Variants in TF observed in about 807,000 individuals in gnomAD.
The protein encoded by TF is transferrin, also known as serotransferrin.
Under a neutral mutation model 82.4 loss-of-function variants are expected in TF, and 55 were observed. That is an observed-to-expected ratio of 0.67 (90% CI 0.54 to 0.84). TF has a LOEUF of 0.84. Among genes scored for constraint, TF ranks in the 40% least tolerant of loss-of-function variants. TF has a pLI of 0.00. For synonymous variants in TF, 332 were observed against 332.6 expected (o/e 1.00, Z 0.02); for missense variants, 737 against 868.4 (o/e 0.85, Z 1.90).
the TF span, among the ~76,000 whole-genome samples, chr3:133,684,037 G>A: frequency 6.6e-6 from 1 of 152,182 alleles, no homozygotes; most frequent in Non-Finnish European, 1.5e-5. Context: ...TAGAACTCAG[G>A]ATTAAGAAAC....
intron 9 of TF, 113 bp downstream of exon 9, chr3:133,759,442 AC>A: frequency 7.3e-7 from 1 of 1,368,906 alleles, no homozygotes; most frequent in South Asian, 1.2e-5. Flanking sequence ...GCTCCCAGGA[AC>A]CTTGCCCTGA....
chr3:133,734,095 T>C, the TF span, among the ~76,000 whole-genome samples: 40 of 152,218 alleles, frequency 2.6e-4, no homozygotes, highest in African/African-American at 8.9e-4. Flanking sequence ...AGCTAGAATA[T>C]CTGCAGTGCT....
At chr3:133,758,091 G>C in intron 8 of TF, 145 bp downstream of exon 8, 1 of 716,518 alleles carries the variant, frequency 1.4e-6, no homozygotes, top group South Asian at 1.9e-5. Flanking sequence ...GTGTTAGACT[G>C]ATGCTGAATG....
chr3:133,675,900 G>A, the TF span, among the ~76,000 whole-genome samples: 9 of 152,098 alleles, frequency 5.9e-5, no homozygotes, highest in East Asian at 1.9e-4. Context: ...TCTTTAGCCC[G>A]TGACAGAATA....
intron 16 of TF, chr3:133,777,885 A>C (rs1934433353): frequency 6.4e-6 from 1 of 156,870 alleles, no homozygotes. Context: ...GGTGTAACTG[A>C]GTCACCTGAA....
intron 14 of TF, chr3:133,775,012 G>T: frequency 3.0e-6 from 1 of 333,130 alleles, no homozygotes; most frequent in South Asian, 2.6e-5. Flanking sequence ...TTCCAAAGGT[G>T]TTCTCTGAGG....
At chr3:133,724,757 T>G in the TF span, among the ~76,000 whole-genome samples, 8 of 152,370 alleles carry the variant, frequency 5.3e-5, no homozygotes, top group African/African-American at 1.9e-4. Context: ...TGGTATTGCC[T>G]AGGTTTTCTT....
At chr3:133,728,110 G>T in the TF span, among the ~76,000 whole-genome samples, 1 of 152,092 alleles carries the variant, frequency 6.6e-6, no homozygotes, top group Admixed American at 6.6e-5. Context: ...TTCAACTTTG[G>T]TGAATCTGAC....
intron 9 of TF, chr3:133,761,454 G>A (rs1484612797): frequency 6.6e-6 from 1 of 152,054 alleles, no homozygotes; most frequent in African/African-American, 2.4e-5. Context: ...GAGCCCAGGA[G>A]TTTGAGTCCA....
intron 14 of TF, chr3:133,772,844 G>C (rs1188975091): frequency 6.6e-6 from 1 of 152,138 alleles, no homozygotes; most frequent in Non-Finnish European, 1.5e-5. Context: ...TCACATTCCT[G>C]ATAAATATTA....
chr3:133,728,983 G>A, the TF span, among the ~76,000 whole-genome samples: 5 of 152,190 alleles, frequency 3.3e-5, no homozygotes, highest in African/African-American at 9.7e-5. Context: ...TTTGTGAACC[G>A]CGAATGCTGC....
the TF span, among the ~76,000 whole-genome samples, chr3:133,680,428 T>A: frequency 6.6e-6 from 1 of 152,254 alleles, no homozygotes; most frequent in Non-Finnish European, 1.5e-5. Context: ...GGTCTCAGAC[T>A]CCCTGGGCTC....
the TF span, among the ~76,000 whole-genome samples, chr3:133,732,494 A>G: frequency 6.6e-6 from 1 of 152,214 alleles, no homozygotes; most frequent in South Asian, 2.1e-4. Flanking sequence ...AAAGTAGGCC[A>G]CCAGAGCCAA....
the TF span, among the ~76,000 whole-genome samples, chr3:133,687,346 T>A: frequency 2.5e-4 from 37 of 149,610 alleles, no homozygotes; most frequent in South Asian, 1.1e-3. Flanking sequence ...AAGTATAATT[T>A]AAAAAAAAAA....
upstream of TF, among the ~76,000 whole-genome samples, chr3:133,744,842 G>T (rs1933459672): frequency 6.6e-6 from 1 of 152,196 alleles, no homozygotes; most frequent in Non-Finnish European, 1.5e-5. Flanking sequence ...TATTGCAAAA[G>T]ATTAACAAAT....
the TF span, chr3:133,700,817 G>A: frequency 6.5e-6 from 1 of 152,722 alleles, no homozygotes; most frequent in Non-Finnish European, 1.5e-5. Context: ...CTGTTTTGGG[G>A]TTTGTTTTAC....
chr3:133,674,275 C>G, the TF span, among the ~76,000 whole-genome samples: 26 of 152,310 alleles, frequency 1.7e-4, no homozygotes, highest in East Asian at 5.0e-3. Flanking sequence ...TGGGAACCCC[C>G]GCGGATCTCT....
Position 133,770,589 on chromosome 3 carries a change from C to A in TF, c.1687+17C>A. On this transcript the variant is annotated intron_variant, in intron 14 of 16. Transcript: ENST00000402696. ...ACACTGGGGGTAAGTGCACCTGCTC[C>A]TCTGTCCCCCTAGATCACTAGATCC... 1 of 1,613,800 alleles carries A rather than the reference C, an allele frequency of 6.2e-7. No individual in the cohort carries two copies. The highest frequency in any genetic ancestry group is 8.5e-7 in the Non-Finnish European group (1 of 1,179,658).
the TF span, among the ~76,000 whole-genome samples, chr3:133,723,645 T>TATTATTACC: frequency 2.6e-5 from 2 of 76,518 alleles, no homozygotes; most frequent in African/African-American, 8.8e-5. Context: ...CTTTTATTAT[T>TATTATTACC]ATTATTATTA....
Sources: gnomAD v4.1 joint callset for allele counts (sites outside exome capture counted in the v4.1 genomes callset) on GRCh38, gnomAD v4.1.1 for gene constraint, MANE v1.5 for transcripts, NCBI Gene and HGNC (gene_info 2026-07-23, HGNC 2026-07-21) for gene names.